PLOD2: variants seen among roughly 807,000 people sequenced by gnomAD.
The protein encoded by PLOD2 is procollagen-lysine,2-oxoglutarate 5-dioxygenase 2, also known as lysine hydroxylase 2.
Under a neutral mutation model 101.0 loss-of-function variants are expected in PLOD2, and 65 were observed. The ratio of observed to expected loss-of-function variants is 0.64; its 90% CI spans 0.53 to 0.79. The LOEUF (loss-of-function observed/expected upper bound fraction) is 0.79, where lower values mean the gene tolerates loss of function less well. Ranked by LOEUF, PLOD2 falls within the 30% of genes least tolerant of loss-of-function variation. The pLI is 0.00. For synonymous variants in PLOD2, 314 were observed against 302.9 expected, an observed-to-expected ratio of 1.04 and a Z score of -0.38; for missense variants, 909 against 914.6, an observed-to-expected ratio of 0.99 and a Z score of 0.08.
At chr3:146,102,274 G>C (rs528632250) in intron 7 of PLOD2, among the ~76,000 whole-genome samples, 1 of 152,058 alleles carries the variant, frequency 6.6e-6, no homozygotes, top group Non-Finnish European at 1.5e-5. Context: ...GAAACAGAAA[G>C]GCATCCAAAA....
intron 11 of PLOD2, among the ~76,000 whole-genome samples, chr3:146,084,261 A>T (rs1936680186): frequency 6.6e-6 from 1 of 152,082 alleles, no homozygotes; most frequent in Non-Finnish European, 1.5e-5. Context: ...TTAGATACTG[A>T]GTATCTATAA....
intron 1 of PLOD2, among the ~76,000 whole-genome samples, chr3:146,149,527 G>C (rs903412000): frequency 6.6e-6 from 1 of 152,124 alleles, no homozygotes; most frequent in African/African-American, 2.4e-5. Context: ...CAGTGAGAAG[G>C]AGCCCGGTTT....
intron 1 of PLOD2, among the ~76,000 whole-genome samples, chr3:146,157,770 A>G (rs1308032229): frequency 6.6e-6 from 1 of 152,202 alleles, no homozygotes; most frequent in Non-Finnish European, 1.5e-5. Flanking sequence ...TTTATGGATG[A>G]TATGTCATTC....
chr3:146,149,344 C>G (rs2031945536), intron 1 of PLOD2, among the ~76,000 whole-genome samples: 1 of 151,986 alleles, frequency 6.6e-6, no homozygotes, highest in Admixed American at 6.5e-5. Context: ...GAATTTAAAT[C>G]TGGTTATAGA....
At chr3:146,147,594 A>T (rs2031844516) in intron 1 of PLOD2, among the ~76,000 whole-genome samples, 2 of 152,058 alleles carry the variant, frequency 1.3e-5, no homozygotes, top group Admixed American at 1.3e-4. Context: ...GGGTCCCTGG[A>T]CTCAACCGAC....
At chr3:146,113,668 C>T (rs901849613) in intron 3 of PLOD2, among the ~76,000 whole-genome samples, 3 of 152,106 alleles carry the variant, frequency 2.0e-5, no homozygotes, top group Non-Finnish European at 4.4e-5. Flanking sequence ...CTCTTAATCC[C>T]GTCATCTTCG....
intron 1 of PLOD2, among the ~76,000 whole-genome samples, chr3:146,152,864 C>T (rs531567543): frequency 6.6e-6 from 1 of 152,290 alleles, no homozygotes; most frequent in South Asian, 2.1e-4. Flanking sequence ...TTCTTTGCTT[C>T]GGTGATTTTC....
Position 146,086,872 on chromosome 3 carries a change from C to A in PLOD2, c.1042G>T (p.Asp348Tyr), listed in dbSNP as rs749867902. 64 of 1,523,492 alleles carry A rather than the reference C, an allele frequency of 4.2e-5. No individual in the cohort carries two copies. Among genetic ancestry groups the A allele is most frequent in the Admixed American group, 2.0e-4 (11 of 56,100 alleles). The allele number at this position is 1,523,492 out of a possible 1,614,324, so 94.4% of individuals were successfully genotyped here. A position where few individuals can be genotyped will look rare whatever the true frequency, so the allele number is the denominator to read the frequency against. ...YHEKDIKVFF[D>Y]KAKHEIKTIK... Reference sequence around the variant, plus strand: ...GTTTTGATTTCATGCTTAGCTTTATCAAAAAATACCTTGATGTCCTTTTCA... The same window carrying A: ...GTTTTGATTTCATGCTTAGCTTTATAAAAAAATACCTTGATGTCCTTTTCA... Residue 348 changes from aspartate to tyrosine, a missense_variant, in exon 10 of 20, where the codon GAT (aspartate) becomes TAT (tyrosine). Asp to Tyr is a radical substitution (Grantham distance 160, BLOSUM62 -3). Transcript: ENST00000282903.
At chr3:146,094,514 A>G (rs1937081823) in intron 7 of PLOD2, among the ~76,000 whole-genome samples, 1 of 152,200 alleles carries the variant, frequency 6.6e-6, no homozygotes, top group Admixed American at 6.5e-5. Context: ...ATACCTAGGA[A>G]TACAACATAC....
intron 3 of PLOD2, among the ~76,000 whole-genome samples, chr3:146,119,863 T>C (rs1435050964): frequency 6.6e-6 from 1 of 152,202 alleles, no homozygotes; most frequent in Non-Finnish European, 1.5e-5. Flanking sequence ...CTGGGTTGGT[T>C]CCAAGTCTTT....
intron 1 of PLOD2, among the ~76,000 whole-genome samples, chr3:146,135,246 A>C (rs1384028983): frequency 6.6e-6 from 1 of 152,164 alleles, no homozygotes; most frequent in South Asian, 2.1e-4. Flanking sequence ...CAAGTTGCTG[A>C]AGTTCTCCAC....
intron 18 of PLOD2, 45 bp from the exon 19 acceptor site, chr3:146,071,212 C>A (rs1309074052): frequency 6.2e-6 from 10 of 1,610,598 alleles, no homozygotes; most frequent in Non-Finnish European, 8.5e-6. Context: ...TTAATAAAAA[C>A]ATTAAAAAGA....
chr3:146,081,653 G>T, intron 12 of PLOD2, 85 bp downstream of exon 12: 4 of 1,184,084 alleles, frequency 3.4e-6, no homozygotes, highest in Non-Finnish European at 2.5e-6. Context: ...AGAGATGAAT[G>T]CAAAAAAAAT....
chr3:146,093,979 CCA>C (rs112486187), intron 7 of PLOD2, among the ~76,000 whole-genome samples: 2,134 of 152,262 alleles, frequency 0.014, 56 homozygotes, highest in African/African-American at 0.048. Flanking sequence ...GGACCTCTCA[CCA>C]CACAGGCAGA....
At chr3:146,137,731 G>C (rs1466169051) in intron 1 of PLOD2, among the ~76,000 whole-genome samples, 3 of 152,184 alleles carry the variant, frequency 2.0e-5, no homozygotes, top group South Asian at 4.2e-4. Flanking sequence ...GGAGCTCCTG[G>C]GGAATAAATT....
chr3:146,118,231 G>A (rs934349867), intron 3 of PLOD2, among the ~76,000 whole-genome samples: 1 of 152,034 alleles, frequency 6.6e-6, no homozygotes, highest in Non-Finnish European at 1.5e-5. Flanking sequence ...AACAAATGCT[G>A]TAGAAAAATT....
At chr3:146,097,283 C>A (rs1345009565) in intron 7 of PLOD2, among the ~76,000 whole-genome samples, 2 of 150,046 alleles carry the variant, frequency 1.3e-5, no homozygotes, top group Non-Finnish European at 3.0e-5. Flanking sequence ...CAGCCACGAC[C>A]CCGTCTGGGA....
chr3:146,074,993 A>G (rs1053018851), intron 15 of PLOD2, among the ~76,000 whole-genome samples: 1 of 151,558 alleles, frequency 6.6e-6, no homozygotes, highest in African/African-American at 2.4e-5. Context: ...AATATCTACA[A>G]TTCAGGATAT....
At chr3:146,143,115 C>A (rs1304703554) in intron 1 of PLOD2, among the ~76,000 whole-genome samples, 2 of 152,122 alleles carry the variant, frequency 1.3e-5, no homozygotes, top group African/African-American at 4.8e-5. Flanking sequence ...GAGTTAAACA[C>A]TCCGACCGCC....
Sources: allele counts gnomAD v4.1 joint callset (sites outside exome capture counted in the v4.1 genomes callset), GRCh38; gene constraint gnomAD v4.1.1; transcripts MANE v1.5; gene names NCBI Gene and HGNC (gene_info 2026-07-23, HGNC 2026-07-21).